ADAM22: variants seen among roughly 807,000 people sequenced by gnomAD.
The protein encoded by ADAM22 is disintegrin and metalloproteinase domain-containing protein 22.
Under a neutral mutation model 144.6 loss-of-function variants are expected in ADAM22, and 65 were observed. The ratio of observed to expected loss-of-function variants is 0.45; its 90% CI spans 0.37 to 0.55. ADAM22 has a LOEUF of 0.55. ADAM22 is among the 20% of genes least tolerant of loss of function. The pLI is 0.00. For synonymous variants in ADAM22, 391 were observed against 412.6 expected (o/e 0.95, Z 0.63); for missense variants, 974 against 1,184.9 (o/e 0.82, Z 2.61).
At chr7:88,111,160 T>C (rs1295154127) in intron 5 of ADAM22, among the ~76,000 whole-genome samples, 1 of 152,124 alleles carries the variant, frequency 6.6e-6, no homozygotes, top group East Asian at 1.9e-4. Flanking sequence ...TCTTAGACTT[T>C]TATGAGCACA....
At chr7:87,977,159 A>C (rs1852095712) in intron 2 of ADAM22, among the ~76,000 whole-genome samples, 1 of 152,240 alleles carries the variant, frequency 6.6e-6, no homozygotes, top group African/African-American at 2.4e-5. Flanking sequence ...CAACAGAAGT[A>C]CAAGATTCTC....
intron 4 of ADAM22, among the ~76,000 whole-genome samples, chr7:88,107,198 C>CTTTTTTT (rs561936408): frequency 6.5e-4 from 50 of 76,554 alleles, no homozygotes; most frequent in Non-Finnish European, 7.1e-4. Flanking sequence ...GATTGAATTT[C>CTTTTTTT]TTTTTTTTTT....
intron 3 of ADAM22, among the ~76,000 whole-genome samples, chr7:88,059,003 C>T (rs1310476279): frequency 6.6e-6 from 1 of 152,054 alleles, no homozygotes; most frequent in African/African-American, 2.4e-5. Flanking sequence ...CAGCTGAGGG[C>T]AAGTGATATA....
chr7:88,050,595 TTC>T (rs1424477696), intron 3 of ADAM22, among the ~76,000 whole-genome samples: 2 of 152,172 alleles, frequency 1.3e-5, no homozygotes, highest in South Asian at 2.1e-4. Context: ...TTGATTTGCA[TTC>T]TCTGATGGCC....
Position 87,955,542 on chromosome 7 carries a change from C to T in ADAM22, c.246+20356C>T, listed in dbSNP as rs181395085. On this transcript the variant is annotated intron_variant, in intron 2 of 31. Coordinates refer to ENST00000413139, the MANE Select transcript of ADAM22 (RefSeq NM_001324418.2). ...GGCCGTGTGAGGTGTCAGTCTGCCC[C>T]TACTGGGGGGTGCCTCCCAGTTAGG... 3.1e-3 allele frequency among the ~76,000 whole-genome samples: 477 copies of T among 152,270 alleles called. 3 individuals carry two copies. The highest frequency in any genetic ancestry group is 0.011 in the African/African-American group (441 of 41,552).
chr7:87,988,370 A>T (rs1314607022), intron 3 of ADAM22, among the ~76,000 whole-genome samples: 2 of 152,160 alleles, frequency 1.3e-5, no homozygotes, highest in Non-Finnish European at 2.9e-5. Context: ...TTTGCCAGAG[A>T]AAGGCACTGT....
In ADAM22 at chr7:88,163,019, C is replaced by A. The variant is rs374179429; in HGVS notation, c.1915C>A (p.His639Asn). 3.7e-6 allele frequency: 6 copies of A among 1,606,646 alleles called. No homozygotes were observed. Among genetic ancestry groups the A allele is most frequent in the Non-Finnish European group, 4.2e-6 (5 of 1,177,380 alleles). The part of the protein sequence containing the change: ...QGRTLNCSGG[H>N]VKLEEDVDLG... ...CTCTCAATTTGTTTTTAGTGGTGGG[C>A]ATGTTAAGCTTGAAGAAGATGTAGA... Residue 639 changes from histidine to asparagine, a missense_variant, in exon 23 of 32, where the codon CAT (histidine) becomes AAT (asparagine). Physicochemically the swap from His to Asn is moderately conservative, Grantham distance 68. Around this residue, in one of 2 missense-constraint regions of ADAM22, gnomAD observed 734 missense variants for 950.6 expected, o/e 0.77. Transcript: ENST00000413139.
chr7:87,940,984 CT>C (rs527899884), intron 2 of ADAM22, among the ~76,000 whole-genome samples: 2 of 152,214 alleles, frequency 1.3e-5, no homozygotes, highest in African/African-American at 4.8e-5. Context: ...CTTAATGATT[CT>C]TTTTTGTCAA....
chr7:87,951,504 G>C (rs377506434), intron 2 of ADAM22, among the ~76,000 whole-genome samples: 4 of 87,564 alleles, frequency 4.6e-5, no homozygotes, highest in South Asian at 2.9e-4. Flanking sequence ...ATCTATATCT[G>C]TGTTTTGGTA....
chr7:88,068,991 T>G (rs1812004683), intron 3 of ADAM22, among the ~76,000 whole-genome samples: 1 of 152,128 alleles, frequency 6.6e-6, no homozygotes, highest in Non-Finnish European at 1.5e-5. Flanking sequence ...AGGTGGGACC[T>G]TTTAAGGGTC....
chr7:88,039,214 G>C (rs9641022), intron 3 of ADAM22, among the ~76,000 whole-genome samples: 73,425 of 150,284 alleles, frequency 0.49, 18,281 homozygotes, highest in East Asian at 0.63. Flanking sequence ...GAGGCCAAGG[G>C]AGGCGGATCA....
intron 6 of ADAM22, among the ~76,000 whole-genome samples, 191 bp from the exon 7 acceptor site, chr7:88,116,554 T>C (rs572124989): frequency 6.6e-6 from 1 of 152,342 alleles, no homozygotes; most frequent in Non-Finnish European, 1.5e-5. Flanking sequence ...TTCTTCTCAT[T>C]GGATGTTGCT....
intron 3 of ADAM22, among the ~76,000 whole-genome samples, chr7:87,991,921 A>G (rs930251821): frequency 9.9e-5 from 15 of 152,194 alleles, no homozygotes; most frequent in Non-Finnish European, 4.4e-5. Flanking sequence ...CACTCTTAAA[A>G]CTCACTAGTG....
intron 4 of ADAM22, among the ~76,000 whole-genome samples, chr7:88,093,443 G>T (rs2097918): frequency 0.42 from 63,612 of 151,844 alleles, 15,456 homozygotes; most frequent in East Asian, 0.88. Context: ...TATTGGTATT[G>T]AGTGGTTTGA....
In ADAM22 at chr7:88,184,630, A is replaced by T. The variant is rs1209302159; in HGVS notation, c.2664-1985A>T. 5.3e-5 allele frequency among the ~76,000 whole-genome samples: 8 copies of T among 152,096 alleles called. No homozygotes were observed. In the East Asian group the frequency reaches 1.3e-3, roughly 26 times the overall value. On this transcript the variant is annotated intron_variant, in intron 29 of 31. Transcript: ENST00000413139. The stretch of plus-strand genomic sequence containing the variant: ...CATTTTTTTTTGCATGTCGCGCTAT[A>T]TGCCAAGTCAAGCCACATAGGTAGA...
At chr7:87,966,740 T>TG (rs1849208116) in intron 2 of ADAM22, among the ~76,000 whole-genome samples, 2 of 140,400 alleles carry the variant, frequency 1.4e-5, no homozygotes, top group African/African-American at 5.4e-5. Flanking sequence ...TTTTTTTTTT[T>TG]TTTTTTTTTT....
At chr7:88,136,798 G>A (rs1054690077) in intron 14 of ADAM22, among the ~76,000 whole-genome samples, 2 of 151,290 alleles carry the variant, frequency 1.3e-5, no homozygotes, top group Admixed American at 1.3e-4. Flanking sequence ...AATACCACCT[G>A]TTCCCCCAAA....
rs571151827 is a variant in ADAM22, at chr7:88,112,215, G to T, written c.474-2369G>T. ...TCTGTTTATGTTTAAATTCCAAATA[G>T]AATGTCATCCAAATTCAGAAAGTAC... On this transcript the variant is annotated intron_variant, in intron 5 of 31. Transcript: ENST00000413139. Among the ~76,000 whole-genome samples, 8 of 152,312 alleles carry T rather than the reference G, an allele frequency of 5.3e-5. No individual in the cohort carries two copies. In the South Asian group the frequency reaches 1.7e-3, roughly 32 times the overall value.
chr7:87,995,065 G>A (rs1396077957), intron 3 of ADAM22, among the ~76,000 whole-genome samples: 1 of 152,098 alleles, frequency 6.6e-6, no homozygotes, highest in Admixed American at 6.6e-5. Context: ...TGATCCACTC[G>A]GCTCGGCCTC....
Sources: gnomAD v4.1 joint callset for allele counts (sites outside exome capture counted in the v4.1 genomes callset) on GRCh38, gnomAD v4.1.1 for gene constraint, gnomAD v4.1.1 regional missense constraint, MANE v1.5 for transcripts, NCBI Gene and HGNC (gene_info 2026-07-23, HGNC 2026-07-21) for gene names.